The following TCEA2 variants were observed in gnomAD, a reference collection of about 807,000 sequenced individuals.
The protein encoded by TCEA2 is transcription elongation factor A2, also known as transcription elongation factor A protein 2.
Under a neutral mutation model 40.8 loss-of-function variants are expected in TCEA2, and 21 were observed. That is an observed-to-expected ratio of 0.51 (90% CI 0.36 to 0.74). The LOEUF is 0.74. Ranked by LOEUF, TCEA2 falls within the 30% of genes least tolerant of loss-of-function variation. The probability of loss-of-function intolerance (pLI) is 0.00; values close to 1 mark genes in which losing one functional copy is unlikely to be tolerated. For synonymous variants in TCEA2, 165 were observed against 162.7 expected (o/e 1.01, Z -0.11); for missense variants, 326 against 426.5 (o/e 0.76, Z 2.08).
At chr20:64,066,304 CAT>C in intron 1 of TCEA2, 170 bp from the exon 2 acceptor site, 1 of 681,272 alleles carries the variant, frequency 1.5e-6, no homozygotes, top group South Asian at 1.8e-5. Context: ...GGTGCAGGAA[CAT>C]GTGGGCAGAG....
intron 8 of TCEA2, among the ~76,000 whole-genome samples, chr20:64,071,003 A>C (rs771691862): frequency 1.2e-4 from 19 of 152,170 alleles, no homozygotes; most frequent in Non-Finnish European, 2.8e-4. Flanking sequence ...GGAGGTGGAC[A>C]CTGAGTGTGC....
At chr20:64,067,088 A>G in intron 3 of TCEA2, 68 bp downstream of exon 3, 1 of 1,480,492 alleles carries the variant, frequency 6.8e-7, no homozygotes, top group East Asian at 2.4e-5. Context: ...CTTGCTGGTC[A>G]GCACAGTGTA....
exon 1 of TCEA2, chr20:64,057,524 C>G (rs816955): frequency 0.62 from 94,951 of 152,192 alleles, 30,027 homozygotes; most frequent in East Asian, 0.72. Context: ...CACCCTGCGG[C>G]GAGGCCCCAC....
rs1248770709 is a variant in TCEA2 at position 64,063,361 on chromosome 20, A to G, written c.49A>G (p.Lys17Glu). Reference protein sequence around the residue: ...EIARIARRLDKMVTKKSAEGA... With the variant: ...EIARIARRLDEMVTKKSAEGA... ...TGCGCGGATCGCCCGGAGGCTGGAC[A>G]AGATGGTGACCAAGAAGAGCGCGGT... Residue 17 changes from lysine to glutamate, a missense_variant, in exon 1 of 10, where the codon AAG (lysine) becomes GAG (glutamate). By Grantham distance (56) the Lys-to-Glu change is moderately conservative. Transcript: ENST00000343484. 9 of 1,549,318 alleles carry G rather than the reference A, an allele frequency of 5.8e-6. No individual in the cohort carries two copies. Among genetic ancestry groups the G allele is most frequent in the African/African-American group, 1.4e-5 (1 of 73,106 alleles).
intron 2 of TCEA2, 39 bp from the exon 3 acceptor site, chr20:64,066,876 G>T: frequency 1.3e-6 from 2 of 1,592,898 alleles, no homozygotes; most frequent in Non-Finnish European, 1.7e-6. Flanking sequence ...CCCTAGGGTG[G>T]GCCCCTGCCT....
chr20:64,069,095 G>T (rs2059763925), intron 4 of TCEA2, among the ~76,000 whole-genome samples: 1 of 152,250 alleles, frequency 6.6e-6, no homozygotes, highest in African/African-American at 2.4e-5. Context: ...TGCTGGGTCT[G>T]GGATCCTGTT....
upstream of TCEA2, among the ~76,000 whole-genome samples, chr20:64,059,990 C>A (rs1424511704): frequency 6.6e-6 from 1 of 152,182 alleles, no homozygotes; most frequent in African/African-American, 2.4e-5. Flanking sequence ...CGTGCTGATA[C>A]CCCAGACCCC....
At chr20:64,057,193 G>C (rs537820474), upstream of TCEA2, 2 of 152,354 alleles carry the variant, frequency 1.3e-5, no homozygotes, top group South Asian at 4.1e-4. Flanking sequence ...TGGCTCCCAG[G>C]ACCAGCGCCT....
intron 1 of TCEA2, chr20:64,063,652 A>C: frequency 1.6e-5 from 8 of 495,972 alleles, no homozygotes; most frequent in South Asian, 5.1e-5. Context: ...CTGGACTCAG[A>C]CCCCTCCCTC....
In TCEA2 at chr20:64,070,303, C is replaced by T; in HGVS notation, c.561C>T (p.Asn187=). ...GAAACACAGACATGAAGTATAAGAA[C>T]CGTGTACGGAGTCGTATCTCCAACC... ...DVGNTDMKYK[N]RVRSRISNLK... is the part of the protein sequence containing the mutation. The change falls in exon 7 of 10, where the codon AAC becomes AAT. Residue 187 remains asparagine (N), a synonymous_variant. Coordinates refer to ENST00000343484, the MANE Select transcript of TCEA2 (RefSeq NM_003195.6). The T allele has an allele frequency of 6.2e-7, 1 of 1,614,228 alleles. No homozygotes were observed. The highest frequency in any genetic ancestry group is 8.5e-7 in the Non-Finnish European group (1 of 1,180,036).
chr20:64,065,045 C>T (rs576583389), intron 1 of TCEA2, among the ~76,000 whole-genome samples: 8 of 152,004 alleles, frequency 5.3e-5, no homozygotes, highest in South Asian at 4.2e-4. Context: ...GGAGGGGAGG[C>T]GGGCGCTGTG....
At chr20:64,069,632 G>A (rs981388220) in intron 5 of TCEA2, 133 bp from the exon 6 acceptor site, 7 of 1,531,950 alleles carry the variant, frequency 4.6e-6, no homozygotes, top group Non-Finnish European at 6.2e-6. Context: ...AGGGGCTAGG[G>A]GCCTGTGCCT....
Position 64,063,604 on chromosome 20 carries a change from G to T in TCEA2, c.72+220G>T. 2 of 598,640 alleles carry T rather than the reference G, an allele frequency of 3.3e-6. 1 individual carries two copies. The allele number at this position is 598,640 out of a possible 1,614,324, so 37.1% of individuals were successfully genotyped here. On this transcript the variant is annotated intron_variant, in intron 1 of 9. Coordinates refer to ENST00000343484, the MANE Select transcript of TCEA2 (RefSeq NM_003195.6). ...CTCCCGCAACCCCGGCAGAGGCCGC[G>T]ATCAGGCCTGGACCTTGTCCCGGGA...
chr20:64,070,005 G>A (rs2059791530), intron 6 of TCEA2, 184 bp downstream of exon 6: 1 of 896,380 alleles, frequency 1.1e-6, no homozygotes, highest in Admixed American at 2.0e-5. Context: ...CCAGCTGAAG[G>A]GCTGATTCTG....
upstream of TCEA2, among the ~76,000 whole-genome samples, chr20:64,061,949 G>C (rs1055130529): frequency 6.6e-6 from 1 of 151,888 alleles, no homozygotes; most frequent in African/African-American, 2.4e-5. Context: ...GGCTGGTCTC[G>C]AACTCCTGAC....
chr20:64,063,174 G>A (rs944866455), upstream of TCEA2: 5 of 736,604 alleles, frequency 6.8e-6, no homozygotes, highest in African/African-American at 9.4e-5. Context: ...GGGGCCGAGG[G>A]TTTGAACCGG....
chr20:64,063,223 G>A lies in TCEA2; in HGVS notation c.-90G>A, dbSNP rs1601579354. 7 of 1,145,298 alleles carry A rather than the reference G, an allele frequency of 6.1e-6. No homozygotes were observed. The highest frequency in any genetic ancestry group is 5.6e-6 in the Non-Finnish European group (5 of 891,954). 70.9% of individuals were successfully genotyped at this position (1,145,298 alleles called of 1,614,324 possible). On this transcript the variant is annotated 5_prime_UTR_variant, in exon 1 of 10. Transcript: ENST00000343484. ...GCGGCGGGGCTGCGTCGGCTGCGGC[G>A]GGTGTGGGAGGTGGCGACGGCCGGG...
upstream of TCEA2, among the ~76,000 whole-genome samples, chr20:64,061,424 C>T (rs6011272): frequency 2.8e-3 from 427 of 151,008 alleles, 5 homozygotes; most frequent in African/African-American, 1.0e-2. Flanking sequence ...TACAGGCGTC[C>T]GCCACCACGC....
At position 64,069,441 on chromosome 20, in the gene TCEA2, C is replaced by T. The variant is rs769261877; in HGVS notation, c.410C>T (p.Ala137Val). The part of the protein sequence containing the change: ...TFPPVPVTCD[A>V]VRNKCREMLT... ...CCTCCGGTGCCTGTCACCTGTGATG[C>T]CGTGCGCAACAAGTGCCGCGAGATG... is the stretch of plus-strand genomic sequence containing the variant. Residue 137 changes from alanine to valine, a missense_variant, in exon 5 of 10, where the codon GCC becomes GTC. Ala to Val is a moderately conservative substitution (Grantham distance 64, BLOSUM62 0). Coordinates refer to ENST00000343484, the MANE Select transcript of TCEA2 (RefSeq NM_003195.6). The T allele has an allele frequency of 6.2e-7, 1 of 1,613,428 alleles. No homozygotes were observed. The highest frequency in any genetic ancestry group is 2.2e-5 in the East Asian group (1 of 44,872).
Sources: allele counts gnomAD v4.1 joint callset (sites outside exome capture counted in the v4.1 genomes callset), GRCh38; gene constraint gnomAD v4.1.1; transcripts MANE v1.5; gene names NCBI Gene and HGNC (gene_info 2026-07-23, HGNC 2026-07-21).